The following NAV3 variants were observed in gnomAD, a reference collection of about 807,000 sequenced individuals.
The protein encoded by NAV3 is neuron navigator 3.
A neutral mutation model predicts 244.7 loss-of-function variants in NAV3; 87 were observed. That is an observed-to-expected ratio of 0.36 (90% CI 0.30 to 0.42). The LOEUF (loss-of-function observed/expected upper bound fraction) is 0.42. Ranked by LOEUF, NAV3 falls within the 20% of genes least tolerant of loss-of-function variation. The probability of loss-of-function intolerance (pLI) is 1.00; values close to 1 mark genes in which losing one functional copy is unlikely to be tolerated. For synonymous variants in NAV3, 1,126 were observed against 1,042.2 expected, an observed-to-expected ratio of 1.08 and a Z score of -1.55; for missense variants, 2,663 against 2,893.3, an observed-to-expected ratio of 0.92 and a Z score of 1.83.
chr12:77,589,638 T>A (rs1426658410), intron 2 of NAV3, among the ~76,000 whole-genome samples: 1 of 152,196 alleles, frequency 6.6e-6, no homozygotes, highest in Non-Finnish European at 1.5e-5. Flanking sequence ...TTACTCACTA[T>A]TGTCAGAATA....
At chr12:77,915,799 A>C (rs1592989119) in intron 1 of NAV3, among the ~76,000 whole-genome samples, 1 of 151,966 alleles carries the variant, frequency 6.6e-6, no homozygotes, top group Non-Finnish European at 1.5e-5. Context: ...TGAATTCCCC[A>C]TTCATTCATT....
chr12:78,069,930 T>C (rs1028860226), intron 12 of NAV3, among the ~76,000 whole-genome samples: 1 of 152,104 alleles, frequency 6.6e-6, no homozygotes, highest in African/African-American at 2.4e-5. Flanking sequence ...TCAGGAATTA[T>C]AGTTTGTTGC....
intron 2 of NAV3, among the ~76,000 whole-genome samples, chr12:77,685,345 T>G (rs1209393091): frequency 6.6e-6 from 1 of 152,156 alleles, no homozygotes; most frequent in Non-Finnish European, 1.5e-5. Flanking sequence ...CATCTGCTGA[T>G]CGACATTTCC....
chr12:77,843,129 C>T (rs537003171), intron 1 of NAV3, among the ~76,000 whole-genome samples: 4 of 152,058 alleles, frequency 2.6e-5, no homozygotes, highest in Admixed American at 2.6e-4. Flanking sequence ...CATTTCTTTT[C>T]TCCTCAAAGC....
chr12:78,113,001 G>T (rs1197150219), intron 12 of NAV3, among the ~76,000 whole-genome samples: 1 of 152,128 alleles, frequency 6.6e-6, no homozygotes, highest in African/African-American at 2.4e-5. Flanking sequence ...AGGGGCTACA[G>T]GCCTCATGGA....
rs1593793679 is a variant in NAV3 at position 78,148,928 on chromosome 12, C to T, written c.4785+9C>T. On this transcript the variant is annotated intron_variant, in intron 22 of 39. Coordinates refer to ENST00000397909, the MANE Select transcript of NAV3 (RefSeq NM_001024383.2). ...CTCAGCTTTCAGCAAATGTAAGTCA[C>T]TTCATTTTTAAAATATATTACAACA... is the stretch of plus-strand genomic sequence containing the variant. The T allele has an allele frequency of 5.6e-6, 9 of 1,600,928 alleles. No homozygotes were observed. The highest frequency in any genetic ancestry group is 1.3e-5 in the African/African-American group (1 of 74,336).
chr12:77,688,308 T>C (rs1874851161), intron 2 of NAV3, among the ~76,000 whole-genome samples: 1 of 152,084 alleles, frequency 6.6e-6, no homozygotes, highest in African/African-American at 2.4e-5. Flanking sequence ...AGACTACCCC[T>C]GACCCCCTAG....
At chr12:77,751,623 C>A (rs1868860102) in intron 2 of NAV3, among the ~76,000 whole-genome samples, 1 of 152,174 alleles carries the variant, frequency 6.6e-6, no homozygotes, top group Non-Finnish European at 1.5e-5. Flanking sequence ...GCCCCCCCAG[C>A]CATGCCTAAC....
intron 8 of NAV3, among the ~76,000 whole-genome samples, chr12:78,018,247 T>C (rs1876561620): frequency 6.6e-6 from 1 of 152,080 alleles, no homozygotes; most frequent in Admixed American, 6.6e-5. Flanking sequence ...TTAACAAAAA[T>C]TTTAAAAAGG....
chr12:78,176,572 G>A, intron 26 of NAV3, 113 bp downstream of exon 26: 1 of 947,840 alleles, frequency 1.1e-6, no homozygotes, highest in Non-Finnish European at 1.6e-6. Flanking sequence ...AGATTACCTT[G>A]TATGTCTTTT....
At chr12:77,966,804 A>G (rs76285475) in intron 4 of NAV3, among the ~76,000 whole-genome samples, 2,749 of 152,206 alleles carry the variant, frequency 0.018, 43 homozygotes, top group Non-Finnish European at 0.03. Context: ...TTATATATAA[A>G]TGTTTTAAAT....
chr12:77,772,321 AAAC>A (rs1399665461), intron 2 of NAV3, among the ~76,000 whole-genome samples: 1 of 152,198 alleles, frequency 6.6e-6, no homozygotes, highest in Non-Finnish European at 1.5e-5. Context: ...TATTTCAAAT[AAAC>A]AATAAAGGAA....
At chr12:78,205,280 T>A in intron 39 of NAV3, 142 bp downstream of exon 39, 1 of 864,254 alleles carries the variant, frequency 1.2e-6, no homozygotes, top group Non-Finnish European at 1.7e-6. Context: ...TGGCCTGCTT[T>A]CCATGGATGA....
intron 12 of NAV3, among the ~76,000 whole-genome samples, chr12:78,077,895 G>A (rs765230776): frequency 1.3e-5 from 2 of 152,156 alleles, no homozygotes; most frequent in African/African-American, 4.8e-5. Flanking sequence ...CCAAGATCAC[G>A]CCTTTGCACT....
chr12:78,085,264 A>T (rs1469388482), intron 12 of NAV3, among the ~76,000 whole-genome samples: 1 of 152,026 alleles, frequency 6.6e-6, no homozygotes, highest in African/African-American at 2.4e-5. Context: ...CTGTGGCTTG[A>T]CTTTACTTGT....
chr12:77,994,240 T>C (rs1050182245), intron 5 of NAV3, among the ~76,000 whole-genome samples: 3 of 152,244 alleles, frequency 2.0e-5, no homozygotes, highest in African/African-American at 7.2e-5. Context: ...AAAACATCTT[T>C]TATTGACTTC....
intron 2 of NAV3, among the ~76,000 whole-genome samples, chr12:77,639,645 G>T (rs1476662229): frequency 6.6e-6 from 1 of 152,162 alleles, no homozygotes; most frequent in Admixed American, 6.6e-5. Flanking sequence ...GGTGCTCAGT[G>T]TTGGCTATAG....
intron 3 of NAV3, among the ~76,000 whole-genome samples, chr12:77,959,878 C>G (rs12311611): frequency 8.9e-6 from 1 of 112,042 alleles, no homozygotes; most frequent in Non-Finnish European, 1.6e-5. Flanking sequence ...AACATCTTTT[C>G]TACTCCAGAG....
chr12:77,710,402 A>G (rs1592605948), intron 2 of NAV3, among the ~76,000 whole-genome samples: 1 of 152,176 alleles, frequency 6.6e-6, no homozygotes, highest in Non-Finnish European at 1.5e-5. Context: ...TGGATGCTCT[A>G]CAGATTGCTG....
Sources: gnomAD v4.1 joint callset for allele counts (sites outside exome capture counted in the v4.1 genomes callset) on GRCh38, gnomAD v4.1.1 for gene constraint, MANE v1.5 for transcripts, NCBI Gene and HGNC (gene_info 2026-07-23, HGNC 2026-07-21) for gene names.